The following GPC4 variants were observed in gnomAD, a reference collection of about 807,000 sequenced individuals.
GPC4 encodes the protein glypican 4.
Under a neutral mutation model 35.0 loss-of-function variants are expected in GPC4, and 10 were observed. The observed-to-expected ratio is 0.29, with a 90% confidence interval of 0.18 to 0.48. The LOEUF (loss-of-function observed/expected upper bound fraction) is 0.48, where lower values mean the gene tolerates loss of function less well. GPC4 is among the 20% of genes least tolerant of loss of function. The pLI, the probability that GPC4 is intolerant of heterozygous loss-of-function variation, is 0.99. For missense variants in GPC4, 322 were observed against 451.3 expected (o/e 0.71, Z 2.60); for synonymous variants, 167 against 170.2 (o/e 0.98, Z 0.15).
intron 3 of GPC4, among the ~76,000 whole-genome samples, chrX:133,318,982 T>A (rs1334634315): frequency 4.5e-5 from 5 of 112,122 alleles, no homozygotes; most frequent in African/African-American, 1.6e-4. Flanking sequence ...TTAAGCTTGC[T>A]GGTGCTAATG....
At chrX:133,362,965 T>C (rs1158564245) in intron 1 of GPC4, among the ~76,000 whole-genome samples, 1 of 111,215 alleles carries the variant, frequency 9.0e-6, no homozygotes, top group African/African-American at 3.3e-5. Flanking sequence ...AAAAGGGTGT[T>C]CCTTCTGGAA....
intron 3 of GPC4, among the ~76,000 whole-genome samples, chrX:133,315,990 C>T: frequency 9.0e-6 from 1 of 111,491 alleles, no homozygotes; most frequent in East Asian, 2.8e-4. Flanking sequence ...ACACTCCTCC[C>T]TTCCCCCTTT....
At position 133,414,931 on chromosome X, in the gene GPC4, G is replaced by T; in HGVS notation, c.35C>A (p.Thr12Asn). The part of the protein sequence containing the change: ...ARFGLPALLC[T>N]LAVLSAALLA... Reference sequence around the variant, plus strand: ...CAGCGCGGCGCTGAGCACTGCCAGGGTGCAGAGAAGCGCGGGCAAGCCGAA... The same window carrying T: ...CAGCGCGGCGCTGAGCACTGCCAGGTTGCAGAGAAGCGCGGGCAAGCCGAA... The change falls in exon 1 of 9, where the codon ACC becomes AAC. Residue 12 changes from threonine to asparagine, a missense_variant. By Grantham distance (65) the Thr-to-Asn change is moderately conservative. Coordinates refer to ENST00000370828, the MANE Select transcript of GPC4 (RefSeq NM_001448.3). The T allele has an allele frequency of 8.3e-7, 1 of 1,211,492 alleles. No individual in the cohort carries two copies. The highest frequency in any genetic ancestry group is 1.1e-6 in the Non-Finnish European group (1 of 895,343).
intron 3 of GPC4, among the ~76,000 whole-genome samples, chrX:133,318,948 G>A (rs756937391): frequency 8.9e-6 from 1 of 112,085 alleles, no homozygotes; most frequent in Non-Finnish European, 1.9e-5. Flanking sequence ...CTTCAACTAT[G>A]AAGTGTCTTT....
At chrX:133,327,319 G>A (rs1182275482) in intron 2 of GPC4, among the ~76,000 whole-genome samples, 4 of 111,133 alleles carry the variant, frequency 3.6e-5, no homozygotes, top group African/African-American at 6.5e-5. Flanking sequence ...GGCGAGGTGC[G>A]GTGTGACATT....
intron 1 of GPC4, among the ~76,000 whole-genome samples, chrX:133,340,266 G>C (rs914283784): frequency 9.1e-6 from 1 of 110,359 alleles, no homozygotes; most frequent in Non-Finnish European, 1.9e-5. Flanking sequence ...ATTGTGCTTT[G>C]AAGAGACGAT....
intron 1 of GPC4, among the ~76,000 whole-genome samples, chrX:133,410,446 G>T (rs2068807806): frequency 8.9e-6 from 1 of 112,236 alleles, no homozygotes; most frequent in South Asian, 3.7e-4. Context: ...AGACAATCAT[G>T]TAAGTTCCTT....
rs751914789 is a variant in GPC4, at chrX:133,335,512, C to T, written c.319+3671G>A. Among the ~76,000 whole-genome samples the T allele has an allele frequency of 3.6e-5, 4 of 110,993 alleles. No homozygotes were observed. In the Admixed American group the frequency reaches 3.8e-4, roughly 11 times the overall value. On this transcript the variant is annotated intron_variant, in intron 2 of 8. Transcript: ENST00000370828. ...TTATATCTTAAAAACTGATATAGAC[C>T]GTACAGTCTCTTGAGATGTGCAAAC...
rs1158305829 is a variant in GPC4 at position 133,310,981 on chromosome X, G to C, written c.877+277C>G. Among the ~76,000 whole-genome samples the C allele has an allele frequency of 2.7e-5, 3 of 111,275 alleles. 1 individual carries two copies. The Admixed American group carries it at 2.9e-4, about 11-fold the overall frequency. ...TATACTCCAGCCTAGGTGACAGAAA[G>C]AGACTCTGTCTCCAAGAAAAAGGCA... is the stretch of plus-strand genomic sequence containing the variant. On this transcript the variant is annotated intron_variant, in intron 4 of 8. Transcript: ENST00000370828.
At chrX:133,384,660 G>A (rs146363031) in intron 1 of GPC4, among the ~76,000 whole-genome samples, 1,708 of 111,159 alleles carry the variant, frequency 0.015, 36 homozygotes, top group African/African-American at 0.05. Context: ...GTCCCAGGTC[G>A]GGCATCATTT....
At chrX:133,376,375 C>G (rs1042100468) in intron 1 of GPC4, among the ~76,000 whole-genome samples, 1 of 112,532 alleles carries the variant, frequency 8.9e-6, no homozygotes. Context: ...CAATTAAGTC[C>G]CCATATCTGA....
At chrX:133,306,864 G>GTA (rs1402779337) in intron 4 of GPC4, among the ~76,000 whole-genome samples, 2 of 112,032 alleles carry the variant, frequency 1.8e-5, no homozygotes, top group East Asian at 5.6e-4. Context: ...TGGGCTCACA[G>GTA]TATATATCTT....
intron 1 of GPC4, among the ~76,000 whole-genome samples, chrX:133,405,577 G>GCT (rs1461560481): frequency 9.0e-6 from 1 of 111,465 alleles, no homozygotes; most frequent in Non-Finnish European, 1.9e-5. Flanking sequence ...GCAAGTTCTG[G>GCT]CTCTCCCATT....
chrX:133,308,632 G>T (rs953990924), intron 4 of GPC4, among the ~76,000 whole-genome samples: 3 of 111,521 alleles, frequency 2.7e-5, no homozygotes. Context: ...ATGCAGTTAA[G>T]AGAGGAGAGG....
chrX:133,330,316 T>G (rs1466614456), intron 2 of GPC4, among the ~76,000 whole-genome samples: 1 of 111,417 alleles, frequency 9.0e-6, no homozygotes, highest in Non-Finnish European at 1.9e-5. Context: ...ATCATACCTT[T>G]CAAACTTCTA....
intron 1 of GPC4, among the ~76,000 whole-genome samples, chrX:133,383,518 G>C (rs1230206283): frequency 9.0e-6 from 1 of 111,022 alleles, no homozygotes; most frequent in African/African-American, 3.3e-5. Flanking sequence ...CTATATGTTT[G>C]TCCAAGCCTA....
intron 1 of GPC4, among the ~76,000 whole-genome samples, chrX:133,374,415 A>G (rs1374765423): frequency 9.0e-6 from 1 of 111,516 alleles, no homozygotes; most frequent in Non-Finnish European, 1.9e-5. Flanking sequence ...AGAGAAAGGA[A>G]ATGTGCAAAG....
At chrX:133,331,280 G>A (rs758200984) in intron 2 of GPC4, among the ~76,000 whole-genome samples, 12 of 111,228 alleles carry the variant, frequency 1.1e-4, no homozygotes, top group Admixed American at 1.9e-4. Flanking sequence ...CTAGGCAATT[G>A]GCTTTAGCAT....
At chrX:133,399,043 TGA>T (rs1288695064) in intron 1 of GPC4, among the ~76,000 whole-genome samples, 1 of 111,348 alleles carries the variant, frequency 9.0e-6, no homozygotes, top group East Asian at 2.8e-4. Context: ...CGGTCACCAT[TGA>T]TAAAGGCTTG....
Sources: gnomAD v4.1 joint callset for allele counts (sites outside exome capture counted in the v4.1 genomes callset) on GRCh38, gnomAD v4.1.1 for gene constraint, MANE v1.5 for transcripts, NCBI Gene and HGNC (gene_info 2026-07-23, HGNC 2026-07-21) for gene names.